The following GFPT2 variants were observed in gnomAD, a reference collection of about 807,000 sequenced individuals.
GFPT2 encodes glutamine--fructose-6-phosphate aminotransferase [isomerizing] 2.
Under a neutral mutation model 85.6 loss-of-function variants are expected in GFPT2, and 62 were observed. The observed-to-expected ratio is 0.72, with a 90% CI of 0.59 to 0.90. GFPT2 has a LOEUF of 0.90. GFPT2 is among the 40% of genes least tolerant of loss of function. GFPT2 has a pLI of 0.00. For synonymous variants in GFPT2, 368 were observed against 344.5 expected (o/e 1.07, Z -0.75); for missense variants, 788 against 893.4 (o/e 0.88, Z 1.50).
chr5:180,320,726 C>T (rs1347311435), intron 9 of GFPT2, among the ~76,000 whole-genome samples: 1 of 152,154 alleles, frequency 6.6e-6, no homozygotes, highest in Admixed American at 6.5e-5. Context: ...GAGATTGTGC[C>T]ACTGCACTCT....
Position 180,323,535 on chromosome 5 carries a change from CCT to C in GFPT2, c.794+651_794+652del, listed in dbSNP as rs956770940. Among the ~76,000 whole-genome samples the C allele has an allele frequency of 8.0e-5, 12 of 150,154 alleles. No individual in the cohort carries two copies. The highest frequency in any genetic ancestry group is 7.4e-5 in the Non-Finnish European group (5 of 67,430). Reference sequence around the variant, plus strand: ...GGAAAGTGCTCTGGTTCTCTCTCTCCCTCTCTCTCTCTCTGTGTGTGTGTGAG... The same window carrying C: ...GGAAAGTGCTCTGGTTCTCTCTCTCCCTCTCTCTCTCTGTGTGTGTGTGAG... On this transcript the variant is annotated intron_variant, in intron 9 of 18. Transcript: ENST00000253778. This position sits in a 1 kb window ranked among gnomAD's most constrained non-coding sequence, Gnocchi z 4.0.
chr5:180,336,326 C>T lies in GFPT2; in HGVS notation c.214+153G>A, dbSNP rs138862924. The T allele has an allele frequency of 5.3e-3, 3,600 of 684,858 alleles. 18 individuals carry two copies. The highest frequency in any genetic ancestry group is 6.2e-3 in the Non-Finnish European group (2,368 of 379,842). 42.4% of individuals were successfully genotyped at this position (684,858 alleles called of 1,614,324 possible). Reference sequence around the variant, plus strand: ...CTAAAATAAACCATCCCATACCCTGCGAAGCCCGGTTTTACAGCACGGGCT... The same window carrying T: ...CTAAAATAAACCATCCCATACCCTGTGAAGCCCGGTTTTACAGCACGGGCT... On this transcript the variant is annotated intron_variant, in intron 3 of 18. Coordinates refer to ENST00000253778, the MANE Select transcript of GFPT2 (RefSeq NM_005110.4).
rs1264306659 is a variant in GFPT2, at chr5:180,342,007, GGGGGC to G, written c.8-3412_8-3408del. Among the ~76,000 whole-genome samples, 80 of 152,184 alleles carry G rather than the reference GGGGGC, an allele frequency of 5.3e-4. 3 individuals carry two copies. The highest frequency in any genetic ancestry group is 3.2e-3 in the Middle Eastern group (1 of 316). On this transcript the variant is annotated intron_variant, in intron 1 of 18. Coordinates refer to ENST00000253778, the MANE Select transcript of GFPT2 (RefSeq NM_005110.4). ...ACGTGTAAGGAGGTAAATGAATCAT[GGGGGC>G]GGCTCTTTCCCATGCTGTTCTCGTG...
Position 180,324,834 on chromosome 5 carries a change from G to A in GFPT2, c.658C>T (p.Pro220Ser), listed in dbSNP as rs767049306. 1 of 1,606,062 alleles carries A rather than the reference G, an allele frequency of 6.2e-7. No homozygotes were observed. The highest frequency in any genetic ancestry group is 1.1e-5 in the South Asian group (1 of 90,908). Reference sequence around the variant, plus strand: ...AACTTACACGTCCTGTATAAGATAGGGATCTGTTCTGTGGAGAGCTTGTAT... The same window carrying A: ...AACTTACACGTCCTGTATAAGATAGAGATCTGTTCTGTGGAGAGCTTGTAT... ...SKYKLSTEQI[P>S]ILYRTCTLEN... is the part of the protein sequence containing the mutation. The change falls in exon 8 of 19, where the codon CCT becomes TCT. Residue 220 changes from proline to serine, a missense_variant. Physicochemically the swap from Pro to Ser is moderately conservative, Grantham distance 74 (BLOSUM62 -1). Transcript: ENST00000253778.
chr5:180,333,843 C>T (rs1426121971), intron 4 of GFPT2, among the ~76,000 whole-genome samples: 1 of 152,196 alleles, frequency 6.6e-6, no homozygotes, highest in Non-Finnish European at 1.5e-5. Context: ...TCCTGGGAGC[C>T]TCCCTGCTTT....
chr5:180,348,450 C>T (rs1472406859), intron 1 of GFPT2, among the ~76,000 whole-genome samples: 3 of 152,230 alleles, frequency 2.0e-5, no homozygotes, highest in Non-Finnish European at 4.4e-5. Context: ...ACAATTCCTG[C>T]CACCTCCTTG....
rs779583817 is a variant in GFPT2, at chr5:180,316,748, CAT to C, written c.1152+14_1152+15del. Reference sequence around the variant, plus strand: ...AGACTGCCGTCGACTTCCCCACGCACATGTGTCACACTTACAGCCACGGCAGC... The same window carrying C: ...AGACTGCCGTCGACTTCCCCACGCACGTGTCACACTTACAGCCACGGCAGC... On this transcript the variant is annotated intron_variant, in intron 12 of 18. Transcript: ENST00000253778. 25 of 1,570,260 alleles carry C rather than the reference CAT, an allele frequency of 1.6e-5. No individual in the cohort carries two copies. Among genetic ancestry groups the C allele is most frequent in the Middle Eastern group, 1.7e-4 (1 of 5,970 alleles).
Position 180,306,578 on chromosome 5 carries a change from T to C in GFPT2, c.1674+598A>G, listed in dbSNP as rs533728506. On this transcript the variant is annotated intron_variant, in intron 16 of 18. Coordinates refer to ENST00000253778, the MANE Select transcript of GFPT2 (RefSeq NM_005110.4). ...CTTTCCTGGCGTGGATCTTTAATGC[T>C]GCAGGGGGCAAATGGCCTGTCACCA... Among the ~76,000 whole-genome samples, 13 of 152,328 alleles carry C rather than the reference T, an allele frequency of 8.5e-5. 1 individual carries two copies. In the South Asian group the frequency reaches 2.7e-3, roughly 32 times the overall value.
At chr5:180,341,318 A>G (rs180932073) in intron 1 of GFPT2, among the ~76,000 whole-genome samples, 7 of 152,360 alleles carry the variant, frequency 4.6e-5, no homozygotes, top group Admixed American at 3.3e-4. Context: ...CTGCCCCTAG[A>G]TAACAGACAG....
intron 15 of GFPT2, among the ~76,000 whole-genome samples, chr5:180,311,072 C>T (rs534118132): frequency 2.6e-5 from 4 of 152,246 alleles, no homozygotes; most frequent in South Asian, 2.1e-4. Flanking sequence ...TGTCAGGCCC[C>T]GAGGGCCTGG....
chr5:180,303,527 G>A (rs1469348725), intron 17 of GFPT2, among the ~76,000 whole-genome samples: 5 of 152,228 alleles, frequency 3.3e-5, no homozygotes, highest in Admixed American at 1.3e-4. Context: ...GCCAGATAAC[G>A]CAGGACTGTG....
chr5:180,340,195 T>G (rs575544788), intron 1 of GFPT2, among the ~76,000 whole-genome samples: 115 of 151,884 alleles, frequency 7.6e-4, no homozygotes, highest in African/African-American at 2.8e-3. Context: ...TTTTTTTTTT[T>G]GTTTTTGTTT....
intron 1 of GFPT2, among the ~76,000 whole-genome samples, chr5:180,342,785 C>T (rs1387328828): frequency 6.6e-6 from 1 of 151,824 alleles, no homozygotes; most frequent in African/African-American, 2.4e-5. Context: ...GCCTGTAATC[C>T]CAGCTACTCA....
intron 17 of GFPT2, among the ~76,000 whole-genome samples, chr5:180,303,187 G>A (rs1201927566): frequency 3.4e-5 from 5 of 148,792 alleles, no homozygotes; most frequent in Non-Finnish European, 5.9e-5. Context: ...CCGAGATGGC[G>A]CCACTGCACT....
Position 180,304,915 on chromosome 5 carries a change from G to A in GFPT2, c.1699C>T (p.His567Tyr). ...ALKIKEITYM[H>Y]SEGILAGELK... ...TCCCCAGCCAGGATGCCTTCTGAGTGCATGTAGGTTATCTCTTTAATTTTC... is the reference window on the plus strand; with the variant it reads ...TCCCCAGCCAGGATGCCTTCTGAGTACATGTAGGTTATCTCTTTAATTTTC... Residue 567 changes from histidine to tyrosine, a missense_variant, in exon 17 of 19, where the codon CAC (histidine) becomes TAC (tyrosine). Transcript: ENST00000253778. The A allele has an allele frequency of 6.2e-7, 1 of 1,611,886 alleles. No individual in the cohort carries two copies. Among genetic ancestry groups the A allele is most frequent in the Non-Finnish European group, 8.5e-7 (1 of 1,178,086 alleles).
At chr5:180,339,172 G>T (rs544670055) in intron 1 of GFPT2, among the ~76,000 whole-genome samples, 12 of 152,092 alleles carry the variant, frequency 7.9e-5, no homozygotes, top group Non-Finnish European at 1.6e-4. Context: ...CTGAGGTCAG[G>T]AGTTCGAGAC....
At chr5:180,302,661 A>G (rs1581364232) in intron 17 of GFPT2, 77 bp from the exon 18 acceptor site, 1 of 1,181,552 alleles carries the variant, frequency 8.5e-7, no homozygotes, top group Non-Finnish European at 1.2e-6. Context: ...AGTATCTGGA[A>G]GCTACATTAC....
rs1764064991 is a variant in GFPT2 at position 180,318,889 on chromosome 5, C to T, written c.862G>A (p.Gly288Arg). The T allele has an allele frequency of 1.2e-6, 2 of 1,613,954 alleles. No individual in the cohort carries two copies. The highest frequency in any genetic ancestry group is 2.7e-5 in the African/African-American group (2 of 75,062). Reference sequence around the variant, plus strand: ...TTGACCCGGTGAATGGAGAGTTTCCCATCAGCCACTGCGGCGATGTCATCG... The same window carrying T: ...TTGACCCGGTGAATGGAGAGTTTCCTATCAGCCACTGCGGCGATGTCATCG... ...EDDDIAAVAD[G>R]KLSIHRVKRS... The change falls in exon 10 of 19, where the codon GGG becomes AGG. Residue 288 changes from glycine to arginine, a missense_variant. Physicochemically the swap from Gly to Arg is moderately radical, Grantham distance 125 (BLOSUM62 -2). Transcript: ENST00000253778. The surrounding 1 kb of genome is among the most constrained non-coding windows in gnomAD (Gnocchi z 4.2).
rs1368089146 is a variant in GFPT2, at chr5:180,328,027, A to G, written c.596+250T>C. On this transcript the variant is annotated intron_variant, in intron 7 of 18. Transcript: ENST00000253778. This position sits in a 1 kb window ranked among gnomAD's most constrained non-coding sequence, Gnocchi z 5.4. Reference sequence around the variant, plus strand: ...TAACTGGAATTTGTTGCCCACCTCTAAAAATCTGTGGAGATTTCAAACACA... The same window carrying G: ...TAACTGGAATTTGTTGCCCACCTCTGAAAATCTGTGGAGATTTCAAACACA... 1.3e-5 allele frequency among the ~76,000 whole-genome samples: 2 copies of G among 151,920 alleles called. No individual in the cohort carries two copies. Among genetic ancestry groups the G allele is most frequent in the Non-Finnish European group, 2.9e-5 (2 of 67,992 alleles).
Sources: gnomAD v4.1 joint callset for allele counts (sites outside exome capture counted in the v4.1 genomes callset) on GRCh38, gnomAD v4.1.1 for gene constraint, Gnocchi (gnomAD v3.1) non-coding constraint, MANE v1.5 for transcripts, NCBI Gene and HGNC (gene_info 2026-07-23, HGNC 2026-07-21) for gene names.